Variants in SPAG17 observed in about 807,000 individuals in gnomAD.
The protein encoded by SPAG17 is sperm-associated antigen 17.
A neutral mutation model predicts 273.6 loss-of-function variants in SPAG17; 169 were observed. That is an observed-to-expected ratio of 0.62 (90% CI 0.55 to 0.70). The LOEUF (loss-of-function observed/expected upper bound fraction) is 0.70. SPAG17 is among the 30% of genes least tolerant of loss of function. The probability of loss-of-function intolerance (pLI) is 0.00; values close to 1 mark genes in which losing one functional copy is unlikely to be tolerated. For missense variants in SPAG17, 2,557 were observed against 2,627.8 expected (o/e 0.97, Z 0.59); for synonymous variants, 825 against 873.2 (o/e 0.94, Z 0.97).
intron 32 of SPAG17, among the ~76,000 whole-genome samples, chr1:117,997,683 A>G (rs188542195): frequency 2.1e-3 from 317 of 152,196 alleles, no homozygotes; most frequent in African/African-American, 7.4e-3. Flanking sequence ...CAGGCCATAC[A>G]TTCTCTGTTG....
intron 20 of SPAG17, among the ~76,000 whole-genome samples, chr1:118,046,736 G>C (rs911395374): frequency 6.6e-6 from 1 of 152,148 alleles, no homozygotes; most frequent in Admixed American, 6.5e-5. Context: ...AAATAATTGA[G>C]TACAATTTTT....
rs575712861 is a variant in SPAG17 at position 118,049,377 on chromosome 1, G to A, written c.2814+4625C>T. On this transcript the variant is annotated intron_variant, in intron 20 of 48. Transcript: ENST00000336338. Reference sequence around the variant, plus strand: ...CACATTTGAAAGGCTCATTCCTCATGATTAAGTGTGATTTATTCCTGGGAT... The same window carrying A: ...CACATTTGAAAGGCTCATTCCTCATAATTAAGTGTGATTTATTCCTGGGAT... 8.5e-5 allele frequency among the ~76,000 whole-genome samples: 13 copies of A among 152,308 alleles called. No individual in the cohort carries two copies. The South Asian group carries it at 2.7e-3, about 32-fold the overall frequency.
intron 18 of SPAG17, among the ~76,000 whole-genome samples, chr1:118,060,078 A>C (rs1438044348): frequency 6.6e-6 from 1 of 151,876 alleles, no homozygotes; most frequent in African/African-American, 2.4e-5. Flanking sequence ...ATAATTTTCA[A>C]TTTTGTTTTA....
intron 18 of SPAG17, among the ~76,000 whole-genome samples, chr1:118,056,766 T>A (rs1015107008): frequency 1.3e-5 from 2 of 152,174 alleles, no homozygotes; most frequent in Admixed American, 1.3e-4. Flanking sequence ...AAACCATAAA[T>A]GTAAACTATG....
intron 20 of SPAG17, among the ~76,000 whole-genome samples, chr1:118,049,555 T>A (rs1345161725): frequency 6.6e-6 from 1 of 151,924 alleles, no homozygotes; most frequent in African/African-American, 2.4e-5. Context: ...ACAAAGTAGA[T>A]AAAGAGGAAA....
At position 117,984,699 on chromosome 1, in the gene SPAG17, T is replaced by A. The variant is rs1362428631; in HGVS notation, c.5753A>T (p.Gln1918Leu). The change falls in exon 41 of 49, where the codon CAG (glutamine) becomes CTG (leucine). Residue 1918 changes from glutamine to leucine, a missense_variant. Transcript: ENST00000336338. ...TTCAATTACCTGAGACTGATATAAC[T>A]GGTTCAATTCAGATTTAAAAAAGGG... is the stretch of plus-strand genomic sequence containing the variant. ...IPPFFKSELN[Q>L]LYQSQYNHLD... is the part of the protein sequence containing the mutation. 16 of 1,600,450 alleles carry A rather than the reference T, an allele frequency of 1.0e-5. No homozygotes were observed. Among genetic ancestry groups the A allele is most frequent in the South Asian group, 6.7e-5 (6 of 90,218 alleles).
chr1:117,988,268 C>T, intron 38 of SPAG17, 64 bp from the exon 39 acceptor site: 2 of 1,174,460 alleles, frequency 1.7e-6, no homozygotes, highest in Non-Finnish European at 2.4e-6. Flanking sequence ...ACAATCAGTA[C>T]ACAATTACTC....
At chr1:118,060,532 T>G (rs1652175595) in intron 18 of SPAG17, among the ~76,000 whole-genome samples, 1 of 152,172 alleles carries the variant, frequency 6.6e-6, no homozygotes, top group South Asian at 2.1e-4. Context: ...TCTTTTAACT[T>G]TTATGCTAGT....
intron 17 of SPAG17, among the ~76,000 whole-genome samples, chr1:118,071,592 G>A (rs1343476808): frequency 1.3e-5 from 2 of 152,096 alleles, no homozygotes; most frequent in Non-Finnish European, 2.9e-5. Flanking sequence ...AGAGGTTGCA[G>A]TGAGCCAAGA....
At chr1:118,000,850 G>C (rs890638836) in intron 32 of SPAG17, among the ~76,000 whole-genome samples, 1 of 151,882 alleles carries the variant, frequency 6.6e-6, no homozygotes, top group Non-Finnish European at 1.5e-5. Context: ...CAGAACTTCT[G>C]ACACTATGTT....
At chr1:118,121,899 G>T (rs1244249633) in intron 3 of SPAG17, among the ~76,000 whole-genome samples, 1 of 152,122 alleles carries the variant, frequency 6.6e-6, no homozygotes, top group Non-Finnish European at 1.5e-5. Context: ...ATTTTAAAAA[G>T]AATACTGATG....
intron 1 of SPAG17, among the ~76,000 whole-genome samples, chr1:118,169,371 G>A (rs1412714315): frequency 6.6e-6 from 1 of 152,092 alleles, no homozygotes; most frequent in Non-Finnish European, 1.5e-5. Flanking sequence ...AATTTGTTTT[G>A]TAAATATCGA....
intron 29 of SPAG17, among the ~76,000 whole-genome samples, chr1:118,013,676 T>A (rs1225443888): frequency 6.6e-6 from 1 of 152,162 alleles, no homozygotes; most frequent in Admixed American, 6.6e-5. Context: ...TAATTATTGA[T>A]AGCGGTTTTT....
At chr1:118,027,294 C>T (rs1454795161) in intron 26 of SPAG17, among the ~76,000 whole-genome samples, 1 of 152,062 alleles carries the variant, frequency 6.6e-6, no homozygotes, top group African/African-American at 2.4e-5. Context: ...TAAGGAGAAG[C>T]GAAATTTAAC....
At chr1:118,019,025 C>T (rs1431892338) in intron 28 of SPAG17, among the ~76,000 whole-genome samples, 1 of 117,654 alleles carries the variant, frequency 8.5e-6, no homozygotes, top group South Asian at 2.7e-4. Flanking sequence ...CAGAGTGAGA[C>T]CATGTCTCAA....
chr1:118,101,785 G>A lies in SPAG17; in HGVS notation c.589C>T (p.Gln197Ter), dbSNP rs776224932. The A allele has an allele frequency of 6.2e-7, 1 of 1,614,000 alleles. No individual in the cohort carries two copies. The highest frequency in any genetic ancestry group is 1.7e-5 in the Admixed American group (1 of 59,974). Residue 197 changes from glutamine (Q) to a stop codon, truncating the protein, a stop_gained, in exon 5 of 49, where the codon CAG becomes TAG. Coordinates refer to ENST00000336338, the MANE Select transcript of SPAG17 (RefSeq NM_206996.4). LOFTEE classifies it high-confidence loss of function. The stretch of plus-strand genomic sequence containing the variant: ...TCGTCTTCTCCTCTCCGCTTTAACT[G>A]GGTGGTCTTTTTCACTGGTGCATTT... ...EANAPVKKTT[Q>*]LKRRGEDDHT...
At chr1:118,023,178 A>G (rs1342465728) in intron 28 of SPAG17, 126 bp downstream of exon 28, 3 of 603,516 alleles carry the variant, frequency 5.0e-6, no homozygotes, top group Non-Finnish European at 7.7e-6. Flanking sequence ...GTATGTATGT[A>G]TAAGAATATA....
At chr1:118,073,288 A>C (rs1417447260) in intron 17 of SPAG17, among the ~76,000 whole-genome samples, 1 of 152,170 alleles carries the variant, frequency 6.6e-6, no homozygotes, top group Non-Finnish European at 1.5e-5. Flanking sequence ...GTTACCTTGG[A>C]CAAAAGTCAC....
intron 44 of SPAG17, among the ~76,000 whole-genome samples, chr1:117,972,756 G>T (rs1654707346): frequency 6.8e-6 from 1 of 146,028 alleles, no homozygotes; most frequent in African/African-American, 2.6e-5. Context: ...TGATGAAGAT[G>T]AACACAGTAT....
Sources: gnomAD v4.1 joint callset for allele counts (sites outside exome capture counted in the v4.1 genomes callset) on GRCh38, gnomAD v4.1.1 for gene constraint, MANE v1.5 for transcripts, NCBI Gene and HGNC (gene_info 2026-07-23, HGNC 2026-07-21) for gene names.